TTC7B: variants seen among roughly 807,000 people sequenced by gnomAD.
The protein encoded by TTC7B is tetratricopeptide repeat domain 7B.
Under a neutral mutation model 106.8 loss-of-function variants are expected in TTC7B, and 28 were observed. The ratio of observed to expected loss-of-function variants is 0.26; its 90% confidence interval spans 0.19 to 0.36. TTC7B has a LOEUF of 0.36. Among genes scored for constraint, TTC7B ranks in the 10% least tolerant of loss-of-function variants. The probability of loss-of-function intolerance (pLI) is 1.00; values close to 1 mark genes in which losing one functional copy is unlikely to be tolerated. For missense variants in TTC7B, 862 were observed against 1,076.4 expected, an observed-to-expected ratio of 0.80 and a Z score of 2.79; for synonymous variants, 405 against 430.6, an observed-to-expected ratio of 0.94 and a Z score of 0.74.
At position 90,644,034 on chromosome 14, in the gene TTC7B, C is replaced by A. The variant is rs374666147; in HGVS notation, c.1751+14G>T. On this transcript the variant is annotated intron_variant, in intron 15 of 19. Transcript: ENST00000328459. ...CTTCTGAGTAAGGGAAAACCAAAGC[C>A]CAGGATCACTTACATGAAATTTTCT... is the stretch of plus-strand genomic sequence containing the variant. 67 of 1,613,800 alleles carry A rather than the reference C, an allele frequency of 4.2e-5. No individual in the cohort carries two copies. Among genetic ancestry groups the A allele is most frequent in the Admixed American group, 1.8e-4 (11 of 59,984 alleles).
rs905034024 is a variant in TTC7B at position 90,696,216 on chromosome 14, G to A, written c.699-638C>T. Among the ~76,000 whole-genome samples the A allele has an allele frequency of 1.1e-4, 17 of 152,208 alleles. No homozygotes were observed. In the East Asian group the frequency reaches 1.4e-3, roughly 12 times the overall value. The stretch of plus-strand genomic sequence containing the variant: ...GTGTGAGCAGAGCACACCTCATCTC[G>A]CTGCCACTCACACCCCACAGGGACA... On this transcript the variant is annotated intron_variant, in intron 5 of 19. Transcript: ENST00000328459.
rs2030660842 is a variant in TTC7B, at chr14:90,807,156, C to T, written c.121+9019G>A. On this transcript the variant is annotated intron_variant, in intron 1 of 19. Coordinates refer to ENST00000328459, the MANE Select transcript of TTC7B (RefSeq NM_001010854.2). The surrounding 1 kb of genome is among the most constrained non-coding windows in gnomAD (Gnocchi z 4.1). ...TTGGATGCTACAACCAGAAAAGTCT[C>T]AGGCCAACCAGGACGAGTTGGTCAC... is the stretch of plus-strand genomic sequence containing the variant. Among the ~76,000 whole-genome samples the T allele has an allele frequency of 1.3e-5, 2 of 152,126 alleles. No homozygotes were observed. The highest frequency in any genetic ancestry group is 4.1e-4 in the South Asian group (2 of 4,830).
At chr14:90,748,613 C>A (rs1286998787) in intron 3 of TTC7B, among the ~76,000 whole-genome samples, 1 of 152,158 alleles carries the variant, frequency 6.6e-6, no homozygotes, top group African/African-American at 2.4e-5. Context: ...AGGCTTGAGC[C>A]ACCATGCCCA....
At chr14:90,814,891 A>G (rs957682981) in intron 1 of TTC7B, among the ~76,000 whole-genome samples, 2 of 152,080 alleles carry the variant, frequency 1.3e-5, no homozygotes, top group Admixed American at 1.3e-4. Flanking sequence ...CTGACACACC[A>G]TGGCACCTGC....
chr14:90,786,078 G>T, intron 2 of TTC7B, 96 bp downstream of exon 2: 1 of 1,373,180 alleles, frequency 7.3e-7, no homozygotes. Flanking sequence ...CAGTGTGCAG[G>T]TGAGCTCCAA....
chr14:90,664,061 C>A (rs1023094571), intron 9 of TTC7B, among the ~76,000 whole-genome samples: 6 of 152,132 alleles, frequency 3.9e-5, no homozygotes, highest in African/African-American at 1.4e-4. Context: ...AAAAAATGCA[C>A]CCATGGTAAA....
At chr14:90,667,595 T>C (rs1453104592) in intron 9 of TTC7B, among the ~76,000 whole-genome samples, 1 of 152,226 alleles carries the variant, frequency 6.6e-6, no homozygotes, top group East Asian at 1.9e-4. Context: ...TTGAGTTTCA[T>C]TGATTAAAAT....
chr14:90,746,465 C>T (rs537184183), intron 3 of TTC7B, among the ~76,000 whole-genome samples: 1 of 152,204 alleles, frequency 6.6e-6, no homozygotes, highest in South Asian at 2.1e-4. Context: ...ATCTTTTCTT[C>T]CTGATATCAG....
intron 15 of TTC7B, among the ~76,000 whole-genome samples, chr14:90,622,962 A>G (rs1288915773): frequency 6.6e-6 from 1 of 152,126 alleles, no homozygotes; most frequent in Non-Finnish European, 1.5e-5. Context: ...AGCCGTGGTC[A>G]GCTTCCCCCA....
intron 17 of TTC7B, among the ~76,000 whole-genome samples, chr14:90,601,594 G>A (rs1040565539): frequency 6.6e-6 from 1 of 152,164 alleles, no homozygotes; most frequent in Admixed American, 6.5e-5. Context: ...TCTTGGAGAG[G>A]GGAATAAAAC....
At chr14:90,749,746 A>G (rs1890083439) in intron 3 of TTC7B, among the ~76,000 whole-genome samples, 1 of 152,100 alleles carries the variant, frequency 6.6e-6, no homozygotes, top group African/African-American at 2.4e-5. Flanking sequence ...GATAATTTCT[A>G]TTGCTATGTC....
intron 15 of TTC7B, among the ~76,000 whole-genome samples, chr14:90,623,946 A>T (rs188771418): frequency 6.6e-6 from 1 of 152,354 alleles, no homozygotes; most frequent in South Asian, 2.1e-4. Flanking sequence ...GTTTGGACCC[A>T]GGAGGCGGAG....
chr14:90,603,943 T>C (rs1429772559), intron 17 of TTC7B, among the ~76,000 whole-genome samples: 1 of 152,200 alleles, frequency 6.6e-6, no homozygotes, highest in African/African-American at 2.4e-5. Flanking sequence ...AAAGATGACT[T>C]CAGCTTATTA....
intron 18 of TTC7B, among the ~76,000 whole-genome samples, chr14:90,583,688 G>A (rs765154306): frequency 6.6e-6 from 1 of 152,074 alleles, no homozygotes; most frequent in Non-Finnish European, 1.5e-5. Flanking sequence ...TGTCCTGGCC[G>A]CTGGTGGCTG....
chr14:90,664,593 T>G (rs905460750), intron 9 of TTC7B, among the ~76,000 whole-genome samples: 1 of 152,220 alleles, frequency 6.6e-6, no homozygotes, highest in Non-Finnish European at 1.5e-5. Context: ...TAATAATGGT[T>G]CCAGTGAAAA....
rs959776372 is a variant in TTC7B, at chr14:90,578,047, C to T, written c.2310+59G>A. The T allele has an allele frequency of 1.8e-5, 28 of 1,546,304 alleles. No individual in the cohort carries two copies. Among genetic ancestry groups the T allele is most frequent in the South Asian group, 5.9e-5 (5 of 84,524 alleles). ...GGTGTGAGGGTCATGTGCTACCTGC[C>T]GCTTCCAAGGGCTGTCCCCATGCCA... is the stretch of plus-strand genomic sequence containing the variant. On this transcript the variant is annotated intron_variant, in intron 19 of 19. Coordinates refer to ENST00000328459, the MANE Select transcript of TTC7B (RefSeq NM_001010854.2). This position sits in a 1 kb window ranked among gnomAD's most constrained non-coding sequence, Gnocchi z 4.7.
At chr14:90,646,440 C>T (rs1885457631) in intron 14 of TTC7B, among the ~76,000 whole-genome samples, 1 of 152,172 alleles carries the variant, frequency 6.6e-6, no homozygotes, top group South Asian at 2.1e-4. Flanking sequence ...TCCCCTTTTT[C>T]GAGTAGCCAC....
At chr14:90,673,069 C>CCT (rs1238758363) in intron 9 of TTC7B, among the ~76,000 whole-genome samples, 1 of 152,124 alleles carries the variant, frequency 6.6e-6, no homozygotes, top group Non-Finnish European at 1.5e-5. Context: ...GACTCTAGAG[C>CCT]CTGTGACACA....
intron 19 of TTC7B, among the ~76,000 whole-genome samples, chr14:90,556,779 G>A (rs943779553): frequency 1.3e-5 from 2 of 152,186 alleles, no homozygotes; most frequent in African/African-American, 4.8e-5. Flanking sequence ...CCAGGGAGAT[G>A]CAGGCATCAG....
Sources: allele counts gnomAD v4.1 joint callset (sites outside exome capture counted in the v4.1 genomes callset), GRCh38; gene constraint gnomAD v4.1.1; non-coding constraint Gnocchi (gnomAD v3.1); transcripts MANE v1.5; gene names NCBI Gene and HGNC (gene_info 2026-07-23, HGNC 2026-07-21).